The following HIF1AN variants were observed in gnomAD, a reference collection of about 807,000 sequenced individuals.
HIF1AN encodes the protein hypoxia-inducible factor 1-alpha inhibitor.
In HIF1AN, 21 loss-of-function variants were observed where a neutral mutation model predicts 47.7. The observed-to-expected ratio is 0.44, with a 90% CI of 0.31 to 0.63. The LOEUF is 0.63. Ranked by LOEUF, HIF1AN falls within the 30% of genes least tolerant of loss-of-function variation. The pLI is 0.07. For missense variants in HIF1AN, 320 were observed against 432.7 expected, an observed-to-expected ratio of 0.74 and a Z score of 2.31; for synonymous variants, 152 against 155.9, an observed-to-expected ratio of 0.98 and a Z score of 0.18.
At chr10:100,547,363 T>C (rs1368955957) in intron 7 of HIF1AN, 113 bp downstream of exon 7, 11 of 683,502 alleles carry the variant, frequency 1.6e-5, no homozygotes, top group East Asian at 2.7e-5. Context: ...TCTCTCTCCA[T>C]AGAGGTTATG....
In HIF1AN at chr10:100,559,075, C is replaced by T. The variant is rs576341778; in HGVS notation, c.*10938C>T. ...TTTTTTTTTTTTTGAGACGGAGTCT[C>T]ACTCTGTTGCCCAGGCTGGAGTACA... On this transcript the variant is annotated 3_prime_UTR_variant, in exon 8 of 8. Coordinates refer to ENST00000299163, the MANE Select transcript of HIF1AN (RefSeq NM_017902.3). The T allele has an allele frequency of 6.6e-6, 1 of 150,438 alleles. No individual in the cohort carries two copies. The highest frequency in any genetic ancestry group is 2.4e-5 in the African/African-American group (1 of 40,944). 9.3% of individuals were successfully genotyped at this position (150,438 alleles called of 1,614,324 possible).
At chr10:100,546,465 C>T (rs1448833300) in intron 5 of HIF1AN, 53 bp from the exon 6 acceptor site, 33 of 1,404,894 alleles carry the variant, frequency 2.3e-5, no homozygotes, top group Admixed American at 8.6e-5. Flanking sequence ...TTCGCCCCTC[C>T]GCCCCCGCCA....
chr10:100,536,162 G>A (rs1407526346), intron 1 of HIF1AN, 27 bp downstream of exon 1: 2 of 1,569,094 alleles, frequency 1.3e-6, no homozygotes, highest in Non-Finnish European at 1.7e-6. Context: ...CGTCTAAAGG[G>A]AGAGGAGGAA....
rs1191377805 is a variant in HIF1AN at position 100,550,401 on chromosome 10, A to C, written c.*2264A>C. On this transcript the variant is annotated 3_prime_UTR_variant, in exon 8 of 8. Coordinates refer to ENST00000299163, the MANE Select transcript of HIF1AN (RefSeq NM_017902.3). The stretch of plus-strand genomic sequence containing the variant: ...AGGTAGGTATTCTCACTTACAGATG[A>C]ATAAATGGGCTCAGAGAGATTAGGT... The C allele has an allele frequency of 6.6e-6, 1 of 152,232 alleles. No individual in the cohort carries two copies. Among genetic ancestry groups the C allele is most frequent in the Non-Finnish European group, 1.5e-5 (1 of 68,042 alleles). The allele number at this position is 152,232 out of a possible 1,614,324, so 9.4% of individuals were successfully genotyped here.
Position 100,546,532 on chromosome 10 carries a change from A to C in HIF1AN, c.845A>C (p.Glu282Ala). 1 of 1,605,870 alleles carries C rather than the reference A, an allele frequency of 6.2e-7. No homozygotes were observed. The highest frequency in any genetic ancestry group is 8.5e-7 in the Non-Finnish European group (1 of 1,175,978). Residue 282 changes from glutamate (E) to alanine (A), a missense_variant, in exon 6 of 8, where the codon GAG becomes GCG. Glu to Ala is a moderately radical substitution (Grantham distance 107). Coordinates refer to ENST00000299163, the MANE Select transcript of HIF1AN (RefSeq NM_017902.3). ...TTTTCTTGCAGGTGGCATCACATAG[A>C]GTCATTACTAAATGGGGGGATTACC... ...YIPMYWWHHI[E>A]SLLNGGITIT...
At chr10:100,539,961 T>C (rs1843006161) in intron 2 of HIF1AN, among the ~76,000 whole-genome samples, 1 of 152,102 alleles carries the variant, frequency 6.6e-6, no homozygotes, top group African/African-American at 2.4e-5. Flanking sequence ...TCTGGGTGTA[T>C]GTGCATTTTT....
Position 100,552,310 on chromosome 10 carries a change from C to T in HIF1AN, c.*4173C>T, listed in dbSNP as rs1264063485. 2.0e-5 allele frequency: 3 copies of T among 152,222 alleles called. No individual in the cohort carries two copies. The highest frequency in any genetic ancestry group is 2.1e-4 in the South Asian group (1 of 4,830). 9.4% of individuals were successfully genotyped at this position (152,222 alleles called of 1,614,324 possible). A position where few individuals can be genotyped will look rare whatever the true frequency, so the allele number is the denominator to read the frequency against. On this transcript the variant is annotated 3_prime_UTR_variant, in exon 8 of 8. Transcript: ENST00000299163. ...ACTTCCCAAAAATGGGGCTGCGTCT[C>T]GCCTCTCAGTAGGTTCCCTACCTCT...
chr10:100,545,405 C>T, intron 4 of HIF1AN: 1 of 317,320 alleles, frequency 3.2e-6, no homozygotes, highest in Non-Finnish European at 5.8e-6. Context: ...ATGTGTATGT[C>T]TCCATTGGAT....
In HIF1AN at chr10:100,544,890, G is replaced by T. The variant is rs545580472; in HGVS notation, c.578-61G>T. On this transcript the variant is annotated intron_variant, in intron 3 of 7. Transcript: ENST00000299163. The stretch of plus-strand genomic sequence containing the variant: ...GGGTTTCTCTTTAGCACTGGGTCCT[G>T]TATTCCAGCTTATGCAATAGAACCA... 2.2e-4 allele frequency: 334 copies of T among 1,542,816 alleles called. No homozygotes were observed. The Middle Eastern group carries it at 2.4e-3, about 11-fold the overall frequency.
In HIF1AN at chr10:100,555,816, C is replaced by T. The variant is rs1564666977; in HGVS notation, c.*7679C>T. The T allele has an allele frequency of 6.6e-6, 1 of 152,250 alleles. No individual in the cohort carries two copies. 9.4% of individuals were successfully genotyped at this position (152,250 alleles called of 1,614,324 possible). A position where few individuals can be genotyped will look rare whatever the true frequency, so the allele number is the denominator to read the frequency against. ...GGTCAGAACTATCAGGAAAGCTGTG[C>T]TCCTTAACCCATCATCTAAGCTAAG... On this transcript the variant is annotated 3_prime_UTR_variant, in exon 8 of 8. Transcript: ENST00000299163.
At position 100,545,060 on chromosome 10, in the gene HIF1AN, A is replaced by G. The variant is rs767525166; in HGVS notation, c.687A>G (p.Pro229=). The part of the protein sequence containing the change: ...FPPDQFECLY[P]YPVHHPCDRQ... The stretch of plus-strand genomic sequence containing the variant: ...CGGATCAGTTCGAGTGCCTCTACCC[A>G]TACCCTGTTCATCACCCATGTGACA... The change falls in exon 4 of 8, where the codon CCA becomes CCG. Residue 229 remains proline (P), a synonymous_variant. Coordinates refer to ENST00000299163, the MANE Select transcript of HIF1AN (RefSeq NM_017902.3). 15 of 1,614,098 alleles carry G rather than the reference A, an allele frequency of 9.3e-6. No individual in the cohort carries two copies. The African/African-American group carries it at 1.7e-4, about 19-fold the overall frequency.
rs1843229224 is a variant in HIF1AN at position 100,558,090 on chromosome 10, G to A, written c.*9953G>A. On this transcript the variant is annotated 3_prime_UTR_variant, in exon 8 of 8. Coordinates refer to ENST00000299163, the MANE Select transcript of HIF1AN (RefSeq NM_017902.3). ...CTCTGGGAATCGTTGGCATGGGGGT[G>A]TGGTGCAGAAAGGGTGATGCTAAGA... The A allele has an allele frequency of 6.6e-6, 1 of 152,492 alleles. No homozygotes were observed. Among genetic ancestry groups the A allele is most frequent in the Admixed American group, 6.5e-5 (1 of 15,296 alleles). The allele number at this position is 152,492 out of a possible 1,614,324, so 9.4% of individuals were successfully genotyped here.
rs1843130074 is a variant in HIF1AN, at chr10:100,549,144, G to A, written c.*1007G>A. On this transcript the variant is annotated 3_prime_UTR_variant, in exon 8 of 8. Coordinates refer to ENST00000299163, the MANE Select transcript of HIF1AN (RefSeq NM_017902.3). ...TCCCTACTTACCAAGGTTCTCCACT[G>A]CTTACCTTTTCCAGTGGGACAGTAC... 6.6e-6 allele frequency: 1 copy of A among 152,486 alleles called. No individual in the cohort carries two copies. Among genetic ancestry groups the A allele is most frequent in the Non-Finnish European group, 1.5e-5 (1 of 68,374 alleles). 9.4% of individuals were successfully genotyped at this position (152,486 alleles called of 1,614,324 possible). A position where few individuals can be genotyped will look rare whatever the true frequency, so the allele number is the denominator to read the frequency against.
rs1196815957 is a variant in HIF1AN, at chr10:100,559,385, G to A, written c.*11248G>A. ...TAGCAGAACTTAAAAGCTTAGAAAA[G>A]AGAGGATTTTGGATATGTAACTTTG... On this transcript the variant is annotated 3_prime_UTR_variant, in exon 8 of 8. Coordinates refer to ENST00000299163, the MANE Select transcript of HIF1AN (RefSeq NM_017902.3). 1.3e-5 allele frequency: 2 copies of A among 152,192 alleles called. No homozygotes were observed. Among genetic ancestry groups the A allele is most frequent in the Non-Finnish European group, 2.9e-5 (2 of 68,038 alleles). The allele number at this position is 152,192 out of a possible 1,614,324, so 9.4% of individuals were successfully genotyped here.
In HIF1AN at chr10:100,559,854, C is replaced by G. The variant is rs1283458778; in HGVS notation, c.*11717C>G. 6.6e-6 allele frequency: 1 copy of G among 152,238 alleles called. No homozygotes were observed. Among genetic ancestry groups the G allele is most frequent in the Non-Finnish European group, 1.5e-5 (1 of 68,048 alleles). The allele number at this position is 152,238 out of a possible 1,614,324, so 9.4% of individuals were successfully genotyped here. On this transcript the variant is annotated 3_prime_UTR_variant, in exon 8 of 8. Coordinates refer to ENST00000299163, the MANE Select transcript of HIF1AN (RefSeq NM_017902.3). ...ACCACACACCCAAGTCACTTAGCCT[C>G]TACAAGTACCACGTAACTAGCAGCC...
intron 4 of HIF1AN, 158 bp downstream of exon 4, chr10:100,545,254 A>C: frequency 1.4e-6 from 1 of 723,588 alleles, no homozygotes; most frequent in Non-Finnish European, 2.2e-6. Flanking sequence ...TAGCTCACAT[A>C]TTCCAGGCTC....
intron 2 of HIF1AN, among the ~76,000 whole-genome samples, chr10:100,540,208 T>C (rs1387496988): frequency 1.3e-5 from 2 of 151,724 alleles, no homozygotes; most frequent in African/African-American, 4.8e-5. Flanking sequence ...TCCTACTCTT[T>C]GGATTCTTAA....
chr10:100,545,608 A>C (rs1427047572), intron 4 of HIF1AN: 2 of 250,226 alleles, frequency 8.0e-6, no homozygotes, highest in Non-Finnish European at 7.6e-6. Context: ...TGCTGGTTAG[A>C]ATATGTTTTT....
At chr10:100,543,075 G>A (rs771892556) in intron 3 of HIF1AN, among the ~76,000 whole-genome samples, 1 of 152,062 alleles carries the variant, frequency 6.6e-6, no homozygotes, top group Non-Finnish European at 1.5e-5. Context: ...TAGCTCCTTG[G>A]TTTCTTCTTG....
Sources: allele counts gnomAD v4.1 joint callset (sites outside exome capture counted in the v4.1 genomes callset), GRCh38; gene constraint gnomAD v4.1.1; transcripts MANE v1.5; gene names NCBI Gene and HGNC (gene_info 2026-07-23, HGNC 2026-07-21).